EVC2: variants seen among roughly 807,000 people sequenced by gnomAD.
The protein encoded by EVC2 is EvC ciliary complex subunit 2, also known as limbin.
A neutral mutation model predicts 149.3 loss-of-function variants in EVC2; 148 were observed. The observed-to-expected ratio is 0.99, with a 90% CI of 0.87 to 1.14. EVC2 has a LOEUF of 1.14. EVC2 is among the 50% of genes most tolerant of loss of function. The pLI, the probability that EVC2 is intolerant of heterozygous loss-of-function variation, is 0.00. For synonymous variants in EVC2, 776 were observed against 649.9 expected (o/e 1.19, Z -2.95); for missense variants, 1,854 against 1,627.3 (o/e 1.14, Z -2.40).
At chr4:5,532,707 G>C in the EVC2 span, among the ~76,000 whole-genome samples, 1 of 152,160 alleles carries the variant, frequency 6.6e-6, no homozygotes, top group Non-Finnish European at 1.5e-5. Context: ...CTAGCAGAGA[G>C]AGCTTAGCTG....
chr4:5,693,046 C>T (rs6852113), intron 3 of EVC2, among the ~76,000 whole-genome samples: 65,288 of 151,916 alleles, frequency 0.43, 14,859 homozygotes, highest in African/African-American at 0.59. Context: ...AGAGAATTTG[C>T]CAAAGCCCTC....
intron 9 of EVC2, among the ~76,000 whole-genome samples, chr4:5,652,006 T>C (rs1489510391): frequency 6.6e-6 from 1 of 152,194 alleles, no homozygotes; most frequent in Non-Finnish European, 1.5e-5. Context: ...CACGGAGCCT[T>C]GCAGGCCATG....
chr4:5,698,870 G>C (rs1341272228), intron 1 of EVC2, among the ~76,000 whole-genome samples: 1 of 152,248 alleles, frequency 6.6e-6, no homozygotes, highest in Non-Finnish European at 1.5e-5. Flanking sequence ...GCTCAGGCCT[G>C]GCTTTGGGTC....
chr4:5,622,688 T>A lies in EVC2; in HGVS notation c.2350A>T (p.Met784Leu), dbSNP rs202191109. The part of the protein sequence containing the change: ...QQILEEHGKE[M>L]AARAEQLEGE... Reference sequence around the variant, plus strand: ...TCCAGCTGCTCGGCCCGTGCAGCCATCTCCTTGCCGTGCTCCTCCAGGATC... The same window carrying A: ...TCCAGCTGCTCGGCCCGTGCAGCCAACTCCTTGCCGTGCTCCTCCAGGATC... Residue 784 changes from methionine to leucine, a missense_variant, in exon 14 of 22, where the codon ATG becomes TTG. Transcript: ENST00000344408. This position sits in a 1 kb window ranked among gnomAD's most constrained non-coding sequence, Gnocchi z 5.8. The A allele has an allele frequency of 1.2e-6, 2 of 1,614,022 alleles. No individual in the cohort carries two copies. The highest frequency in any genetic ancestry group is 1.7e-5 in the Admixed American group (1 of 60,010).
chr4:5,601,269 A>G (rs1713954642), intron 16 of EVC2, among the ~76,000 whole-genome samples: 2 of 152,158 alleles, frequency 1.3e-5, no homozygotes, highest in African/African-American at 4.8e-5. Context: ...TGGAGGTAAG[A>G]GTGAACATGC....
intron 21 of EVC2, among the ~76,000 whole-genome samples, chr4:5,546,765 G>C (rs1277609202): frequency 6.6e-6 from 1 of 151,866 alleles, no homozygotes; most frequent in East Asian, 1.9e-4. Context: ...ATTACACTTT[G>C]CTCTATTGCT....
chr4:5,609,463 A>G (rs140590990), intron 16 of EVC2, among the ~76,000 whole-genome samples: 1,925 of 152,336 alleles, frequency 0.013, 37 homozygotes, highest in African/African-American at 0.044. Context: ...ACCTGCCACA[A>G]TGAAATGGCC....
rs60423052 is a variant in EVC2, at chr4:5,655,730, TA to T, written c.1145+7376del. On this transcript the variant is annotated intron_variant, in intron 9 of 21. Coordinates refer to ENST00000344408, the MANE Select transcript of EVC2 (RefSeq NM_147127.5). ...ATGGACCAAATACTTAATCCACATGTAAAAAAAAAAAATGGAAGGAAGAGAA... is the reference window on the plus strand; with the variant it reads ...ATGGACCAAATACTTAATCCACATGTAAAAAAAAAAATGGAAGGAAGAGAA... Among the ~76,000 whole-genome samples, 359 of 67,434 alleles carry T rather than the reference TA, an allele frequency of 5.3e-3. 2 individuals carry two copies. The highest frequency in any genetic ancestry group is 0.018 in the East Asian group (33 of 1,850). The allele number at this position is 67,434 out of a possible 152,430, so 44.2% of individuals were successfully genotyped here.
At position 5,618,544 on chromosome 4, in the gene EVC2, A is replaced by C; in HGVS notation, c.2640T>G (p.Phe880Leu). The C allele has an allele frequency of 6.2e-7, 1 of 1,614,172 alleles. No homozygotes were observed. The highest frequency in any genetic ancestry group is 8.5e-7 in the Non-Finnish European group (1 of 1,180,046). ...ACTCTGCTTCTCGCCACGCAGTCTG[A>C]AATTGCTGCAGCAGAACTCGGGCCC... ...KIRARVLLQQ[F>L]QTAWREAEFV... is the part of the protein sequence containing the mutation. Residue 880 changes from phenylalanine (F) to leucine (L), a missense_variant, in exon 15 of 22, where the codon TTT becomes TTG. Transcript: ENST00000344408. This position sits in a 1 kb window ranked among gnomAD's most constrained non-coding sequence, Gnocchi z 4.4.
intron 16 of EVC2, among the ~76,000 whole-genome samples, chr4:5,602,209 C>T (rs553823532): frequency 6.7e-6 from 1 of 150,018 alleles, no homozygotes; most frequent in African/African-American, 2.5e-5. Context: ...ATCACTTGTA[C>T]CACCCTGGAG....
At chr4:5,664,160 C>T (rs750320382) in intron 8 of EVC2, among the ~76,000 whole-genome samples, 1 of 152,070 alleles carries the variant, frequency 6.6e-6, no homozygotes, top group African/African-American at 2.4e-5. Context: ...TGTTGGTGCC[C>T]CCATTTTACA....
At chr4:5,665,756 T>TCA in intron 7 of EVC2, 107 bp from the exon 8 acceptor site, 1 of 1,516,260 alleles carries the variant, frequency 6.6e-7, no homozygotes. Context: ...ACCAGGGGAC[T>TCA]CGCTTGCATT....
chr4:5,708,359 A>G lies in EVC2; in HGVS notation c.155T>C (p.Val52Ala). ...CAGGCCGGGCCCAGACCTAGGAGCC[A>G]CCTGGGGATCCCGGGGTGGCTGCGC... Reference protein sequence around the residue: ...LGAQPPRDPQVAPRSGPGLRI... With the variant: ...LGAQPPRDPQAAPRSGPGLRI... The change falls in exon 1 of 22, where the codon GTG (valine) becomes GCG (alanine). Residue 52 changes from valine (V) to alanine (A), a missense_variant. By Grantham distance (64) the Val-to-Ala change is moderately conservative. Transcript: ENST00000344408. 6.7e-7 allele frequency: 1 copy of G among 1,487,468 alleles called. No individual in the cohort carries two copies. Among genetic ancestry groups the G allele is most frequent in the Non-Finnish European group, 8.9e-7 (1 of 1,125,308 alleles). 92.1% of individuals were successfully genotyped at this position (1,487,468 alleles called of 1,614,324 possible). A position where few individuals can be genotyped will look rare whatever the true frequency, so the allele number is the denominator to read the frequency against.
intron 16 of EVC2, among the ~76,000 whole-genome samples, chr4:5,609,926 C>T (rs757046828): frequency 2.6e-5 from 4 of 152,094 alleles, no homozygotes; most frequent in Non-Finnish European, 5.9e-5. Flanking sequence ...AAAACAGGGA[C>T]GTTGATGGTT....
intron 5 of EVC2, among the ~76,000 whole-genome samples, chr4:5,688,906 T>C (rs1463335167): frequency 2.0e-5 from 3 of 152,178 alleles, no homozygotes; most frequent in African/African-American, 7.2e-5. Context: ...TTTTAAAAAT[T>C]TCCCACAACT....
chr4:5,640,039 A>G lies in EVC2; in HGVS notation c.1470+475T>C, dbSNP rs1159054166. On this transcript the variant is annotated intron_variant, in intron 10 of 21. Coordinates refer to ENST00000344408, the MANE Select transcript of EVC2 (RefSeq NM_147127.5). The surrounding 1 kb of genome is among the most constrained non-coding windows in gnomAD (Gnocchi z 4.6). ...TGGGTGGATGAGTGATAATGGGCAGATGGGTGGACGGGTAGATGGAGGGGA... is the reference window on the plus strand; with the variant it reads ...TGGGTGGATGAGTGATAATGGGCAGGTGGGTGGACGGGTAGATGGAGGGGA... 6.6e-6 allele frequency among the ~76,000 whole-genome samples: 1 copy of G among 152,122 alleles called. No individual in the cohort carries two copies. The highest frequency in any genetic ancestry group is 1.5e-5 in the Non-Finnish European group (1 of 68,022).
chr4:5,656,831 A>G (rs1383823191), intron 9 of EVC2, among the ~76,000 whole-genome samples: 1 of 152,178 alleles, frequency 6.6e-6, no homozygotes, highest in African/African-American at 2.4e-5. Flanking sequence ...AGGTTACGGT[A>G]ATTTGTGACA....
chr4:5,687,283 A>AAAGG (rs1225760279), intron 5 of EVC2, among the ~76,000 whole-genome samples: 1 of 152,054 alleles, frequency 6.6e-6, no homozygotes, highest in Non-Finnish European at 1.5e-5. Context: ...AAAAGAAAAG[A>AAAGG]AAAAACCACC....
chr4:5,556,850 T>G (rs1721849053), intron 21 of EVC2, among the ~76,000 whole-genome samples: 2 of 152,176 alleles, frequency 1.3e-5, no homozygotes. Flanking sequence ...AATGAATCCC[T>G]TGAAAGACAA....
Sources: allele counts gnomAD v4.1 joint callset (sites outside exome capture counted in the v4.1 genomes callset), GRCh38; gene constraint gnomAD v4.1.1; non-coding constraint Gnocchi (gnomAD v3.1); transcripts MANE v1.5; gene names NCBI Gene and HGNC (gene_info 2026-07-23, HGNC 2026-07-21).